EXOC4: variants seen among roughly 807,000 people sequenced by gnomAD.
EXOC4 encodes the protein SEC8-like 1.
EXOC4 carries 71 observed loss-of-function variants against 107.2 expected under a neutral mutation model. That is an observed-to-expected ratio of 0.66 (90% CI 0.55 to 0.81). The LOEUF (loss-of-function observed/expected upper bound fraction) is 0.81. Ranked by LOEUF, EXOC4 falls within the 30% of genes least tolerant of loss-of-function variation. EXOC4 has a pLI of 0.00. For synonymous variants in EXOC4, 456 were observed against 441.2 expected (o/e 1.03, Z -0.42); for missense variants, 1,108 against 1,189.6 (o/e 0.93, Z 1.01).
At chr7:133,634,723 C>G (rs1011347380) in intron 10 of EXOC4, among the ~76,000 whole-genome samples, 6 of 152,232 alleles carry the variant, frequency 3.9e-5, no homozygotes, top group African/African-American at 1.4e-4. Context: ...AACAGGTGAT[C>G]CGCCCGCCTC....
intron 9 of EXOC4, among the ~76,000 whole-genome samples, chr7:133,569,292 A>G (rs1477214676): frequency 7.9e-5 from 12 of 152,196 alleles, no homozygotes; most frequent in Non-Finnish European, 1.8e-4. Context: ...TACAGCCAAT[A>G]AAAGCAAGTA....
chr7:133,914,396 C>A (rs1159111215), intron 12 of EXOC4, among the ~76,000 whole-genome samples: 1 of 152,056 alleles, frequency 6.6e-6, no homozygotes, highest in Non-Finnish European at 1.5e-5. Flanking sequence ...ATCTTCCAGG[C>A]AGGGAGGGAG....
chr7:134,092,691 A>G, the EXOC4 span, among the ~76,000 whole-genome samples: 1 of 152,166 alleles, frequency 6.6e-6, no homozygotes, highest in East Asian at 1.9e-4. Flanking sequence ...TACTAGCCTT[A>G]CAAGAGATCG....
At chr7:133,676,376 G>C (rs1794057873) in intron 10 of EXOC4, among the ~76,000 whole-genome samples, 1 of 152,106 alleles carries the variant, frequency 6.6e-6, no homozygotes, top group Admixed American at 6.6e-5. Flanking sequence ...GACCGAGTAT[G>C]CCTATTTTGA....
intron 16 of EXOC4, among the ~76,000 whole-genome samples, chr7:134,006,747 A>G (rs923769033): frequency 6.6e-6 from 1 of 152,208 alleles, no homozygotes; most frequent in Non-Finnish European, 1.5e-5. Context: ...TCCTGCTAGC[A>G]TCCAAGAATA....
At chr7:134,048,373 A>G (rs1388673198) in intron 17 of EXOC4, among the ~76,000 whole-genome samples, 4 of 152,184 alleles carry the variant, frequency 2.6e-5, no homozygotes, top group African/African-American at 9.7e-5. Flanking sequence ...TGCTGTTGTC[A>G]TCAAAGTTTA....
At chr7:133,455,270 C>T (rs1423219071) in intron 7 of EXOC4, among the ~76,000 whole-genome samples, 2 of 152,048 alleles carry the variant, frequency 1.3e-5, no homozygotes, top group African/African-American at 2.4e-5. Flanking sequence ...TCACATTACT[C>T]AGAGCAGCAT....
intron 9 of EXOC4, among the ~76,000 whole-genome samples, chr7:133,499,680 G>C (rs1799540869): frequency 6.6e-6 from 1 of 152,154 alleles, no homozygotes; most frequent in Admixed American, 6.5e-5. Flanking sequence ...TGATGGGGGT[G>C]GTTGGATCAC....
At chr7:133,273,267 A>G (rs1446124772) in intron 1 of EXOC4, among the ~76,000 whole-genome samples, 1 of 152,240 alleles carries the variant, frequency 6.6e-6, no homozygotes, top group Non-Finnish European at 1.5e-5. Flanking sequence ...TAATCTTGGT[A>G]GCTCTATCTT....
intron 5 of EXOC4, among the ~76,000 whole-genome samples, chr7:133,328,757 C>A (rs187942077): frequency 6.6e-6 from 1 of 152,270 alleles, no homozygotes; most frequent in Non-Finnish European, 1.5e-5. Context: ...CCCTCACTGT[C>A]TTCTTGCTTA....
intron 9 of EXOC4, among the ~76,000 whole-genome samples, chr7:133,577,379 A>G (rs1801155798): frequency 6.6e-6 from 1 of 152,080 alleles, no homozygotes; most frequent in South Asian, 2.1e-4. Flanking sequence ...CTCTCTCTCA[A>G]TTTTCGTTCT....
At chr7:133,612,612 A>G (rs1802096350) in intron 9 of EXOC4, among the ~76,000 whole-genome samples, 1 of 152,198 alleles carries the variant, frequency 6.6e-6, no homozygotes, top group African/African-American at 2.4e-5. Flanking sequence ...TTTTAACAGT[A>G]TCACTCTGGC....
chr7:134,067,567 G>T (rs1191001510), downstream of EXOC4, among the ~76,000 whole-genome samples: 1 of 151,334 alleles, frequency 6.6e-6, no homozygotes, highest in Non-Finnish European at 1.5e-5. Flanking sequence ...TTTCAAGTTA[G>T]CCTTCGTTGG....
chr7:133,356,215 C>T (rs1427749433), intron 5 of EXOC4, 115 bp from the exon 6 acceptor site: 1 of 1,033,866 alleles, frequency 9.7e-7, no homozygotes, highest in Non-Finnish European at 1.4e-6. Flanking sequence ...ATTGAAAAAT[C>T]CTCTTTAATT....
intron 3 of EXOC4, among the ~76,000 whole-genome samples, chr7:133,294,420 T>C (rs901741919): frequency 6.6e-6 from 1 of 152,144 alleles, no homozygotes; most frequent in Non-Finnish European, 1.5e-5. Context: ...CCAGTGCAAA[T>C]AGTTTTGAAG....
chr7:134,081,615 A>G, the EXOC4 span, among the ~76,000 whole-genome samples: 8 of 152,186 alleles, frequency 5.3e-5, no homozygotes, highest in African/African-American at 1.7e-4. Flanking sequence ...AGAATGAATG[A>G]ATAGGTGAAA....
the EXOC4 span, among the ~76,000 whole-genome samples, chr7:134,073,306 C>T: frequency 6.6e-6 from 1 of 151,102 alleles, no homozygotes; most frequent in Non-Finnish European, 1.5e-5. Context: ...CACCTAAAGG[C>T]CCCCAGAACC....
In EXOC4 at chr7:133,977,738, T is replaced by TTGTGTG. The variant is rs201003706; in HGVS notation, c.2207-19730_2207-19725dup. ...TTTTGTTTGAGTTGGTTTTGTTGTT[T>TTGTGTG]TGTGTGTGTGTGTGTGTGTGTGTGT... On this transcript the variant is annotated intron_variant, in intron 14 of 17. Coordinates refer to ENST00000253861, the MANE Select transcript of EXOC4 (RefSeq NM_021807.4). 1.3e-3 allele frequency among the ~76,000 whole-genome samples: 119 copies of TTGTGTG among 88,262 alleles called. No individual in the cohort carries two copies. The Middle Eastern group carries it at 0.032, about 23-fold the overall frequency. The allele number at this position is 88,262 out of a possible 152,430, so 57.9% of individuals were successfully genotyped here. A position where few individuals can be genotyped will look rare whatever the true frequency, so the allele number is the denominator to read the frequency against.
At chr7:133,407,731 C>G (rs1316769174) in intron 7 of EXOC4, among the ~76,000 whole-genome samples, 1 of 152,094 alleles carries the variant, frequency 6.6e-6, no homozygotes, top group Non-Finnish European at 1.5e-5. Context: ...ACCTATGGAC[C>G]ATTTCTCCTT....
Sources: allele counts gnomAD v4.1 joint callset (sites outside exome capture counted in the v4.1 genomes callset), GRCh38; gene constraint gnomAD v4.1.1; transcripts MANE v1.5; gene names NCBI Gene and HGNC (gene_info 2026-07-23, HGNC 2026-07-21).